The following RERE variants were observed in gnomAD, a reference collection of about 807,000 sequenced individuals.
The protein encoded by RERE is arginine-glutamic acid dipeptide repeats.
In RERE, 40 loss-of-function variants were observed where a neutral mutation model predicts 146.1. That is an observed-to-expected ratio of 0.27 (90% confidence interval 0.21 to 0.36). The LOEUF (loss-of-function observed/expected upper bound fraction) is 0.36, where lower values mean the gene tolerates loss of function less well. Ranked by LOEUF, RERE falls within the 10% of genes least tolerant of loss-of-function variation. The probability of loss-of-function intolerance (pLI) is 1.00; values close to 1 mark genes in which losing one functional copy is unlikely to be tolerated. For missense variants in RERE, 1,933 were observed against 2,138.7 expected, an observed-to-expected ratio of 0.90 and a Z score of 1.90; for synonymous variants, 1,003 against 866.0, an observed-to-expected ratio of 1.16 and a Z score of -2.78.
At chr1:8,547,646 T>C (rs997348250) in intron 6 of RERE, among the ~76,000 whole-genome samples, 4 of 152,178 alleles carry the variant, frequency 2.6e-5, no homozygotes, top group South Asian at 2.1e-4. Context: ...TCAAACTCAT[T>C]GTTAGTGAAA....
intron 1 of RERE, among the ~76,000 whole-genome samples, chr1:8,766,546 C>CAAAAAAAAAAAAAAA (rs60530407): frequency 3.0e-5 from 2 of 65,990 alleles, no homozygotes; most frequent in Non-Finnish European, 3.3e-5. Flanking sequence ...GACTCCATTG[C>CAAAAAAAAAAAAAAA]AAAAAAAAAA....
At chr1:8,435,817 G>C (rs562423515) in intron 11 of RERE, among the ~76,000 whole-genome samples, 1 of 152,344 alleles carries the variant, frequency 6.6e-6, no homozygotes, top group African/African-American at 2.4e-5. Flanking sequence ...TCTGGGTCTA[G>C]ATAATTACAC....
intron 1 of RERE, among the ~76,000 whole-genome samples, chr1:8,741,617 G>A (rs776333968): frequency 1.1e-4 from 16 of 152,160 alleles, no homozygotes; most frequent in Admixed American, 6.5e-5. Flanking sequence ...CTGCCACCCT[G>A]TGAAGAAGAT....
At chr1:8,388,507 G>A (rs1454217990) in intron 12 of RERE, among the ~76,000 whole-genome samples, 1 of 152,028 alleles carries the variant, frequency 6.6e-6, no homozygotes, top group African/African-American at 2.4e-5. Flanking sequence ...TTTTAGTAGA[G>A]ACGGGGTTTC....
At chr1:8,500,950 G>A (rs1645130680) in intron 8 of RERE, among the ~76,000 whole-genome samples, 1 of 147,674 alleles carries the variant, frequency 6.8e-6, no homozygotes, top group Admixed American at 6.9e-5. Flanking sequence ...CCCCGTCTGA[G>A]AAGTGAGGAG....
chr1:8,762,913 C>G (rs1640781942), intron 1 of RERE, among the ~76,000 whole-genome samples: 1 of 151,940 alleles, frequency 6.6e-6, no homozygotes, highest in African/African-American at 2.4e-5. Context: ...AGTATTTTGC[C>G]TTCTACAGTA....
intron 12 of RERE, among the ~76,000 whole-genome samples, chr1:8,373,118 T>C (rs1642105253): frequency 6.6e-6 from 1 of 152,258 alleles, no homozygotes; most frequent in Non-Finnish European, 1.5e-5. Flanking sequence ...GTGCACATCC[T>C]TGTACGCACC....
intron 10 of RERE, among the ~76,000 whole-genome samples, chr1:8,487,903 A>G (rs1187261159): frequency 6.6e-6 from 1 of 152,174 alleles, no homozygotes; most frequent in Non-Finnish European, 1.5e-5. Flanking sequence ...AGTAAATTTA[A>G]CAAAATGTTG....
chr1:8,564,927 C>G (rs554473182), intron 4 of RERE, among the ~76,000 whole-genome samples: 36 of 149,390 alleles, frequency 2.4e-4, no homozygotes, highest in African/African-American at 8.6e-4. Context: ...CTGTCATCTG[C>G]AACAACATGA....
At chr1:8,693,286 T>G (rs967735480) in intron 1 of RERE, among the ~76,000 whole-genome samples, 3 of 152,188 alleles carry the variant, frequency 2.0e-5, no homozygotes, top group African/African-American at 7.2e-5. Flanking sequence ...CACAAAAAAC[T>G]GCACACAGAT....
intron 4 of RERE, among the ~76,000 whole-genome samples, chr1:8,574,391 C>T (rs1646263390): frequency 7.8e-6 from 1 of 127,858 alleles, no homozygotes; most frequent in Non-Finnish European, 1.6e-5. Flanking sequence ...GTCGCCCAGA[C>T]TGGAGTGCAG....
chr1:8,665,636 T>C (rs1160556645), intron 1 of RERE, among the ~76,000 whole-genome samples: 1 of 152,162 alleles, frequency 6.6e-6, no homozygotes, highest in East Asian at 1.9e-4. Context: ...TTCAGTTAAA[T>C]AGCAGCTACA....
At chr1:8,771,477 T>C (rs1304199371) in intron 1 of RERE, among the ~76,000 whole-genome samples, 1 of 150,544 alleles carries the variant, frequency 6.6e-6, no homozygotes, top group East Asian at 1.9e-4. Flanking sequence ...TGAGCTGAGA[T>C]TGCGCCACTA....
chr1:8,653,612 G>A (rs113474241), intron 2 of RERE, among the ~76,000 whole-genome samples: 2 of 150,132 alleles, frequency 1.3e-5, no homozygotes, highest in Non-Finnish European at 3.0e-5. Context: ...GGAGAATGGC[G>A]TGAACCCGGG....
chr1:8,461,424 C>G (rs1283819913), intron 11 of RERE, among the ~76,000 whole-genome samples: 1 of 152,144 alleles, frequency 6.6e-6, no homozygotes, highest in African/African-American at 2.4e-5. Context: ...CACAAACTGA[C>G]CTAGCATTTC....
Position 8,809,221 on chromosome 1 carries a change from A to C in RERE, c.-145+7939T>G, listed in dbSNP as rs79984432. The stretch of plus-strand genomic sequence containing the variant: ...GAACATCAATATTTAACATAAACTC[A>C]GCACATTTTAGGTCAAAATGATAAT... On this transcript the variant is annotated intron_variant, in intron 1 of 22. Coordinates refer to ENST00000400908, the MANE Select transcript of RERE (RefSeq NM_001042681.2). 7.6e-3 allele frequency among the ~76,000 whole-genome samples: 1,156 copies of C among 152,094 alleles called. 6 individuals carry two copies. The highest frequency in any genetic ancestry group is 0.011 in the Non-Finnish European group (765 of 67,974).
intron 8 of RERE, among the ~76,000 whole-genome samples, chr1:8,505,525 T>C (rs1340074781): frequency 1.3e-5 from 2 of 152,188 alleles, no homozygotes; most frequent in Non-Finnish European, 2.9e-5. Flanking sequence ...TGTTAATATT[T>C]TCCTAATAAA....
chr1:8,608,082 C>T (rs1295032355), intron 4 of RERE, among the ~76,000 whole-genome samples: 4 of 151,902 alleles, frequency 2.6e-5, no homozygotes, highest in Non-Finnish European at 5.9e-5. Flanking sequence ...TGGTCAGAGA[C>T]TGGTCTGACC....
At chr1:8,398,487 C>T (rs1643134082) in intron 12 of RERE, among the ~76,000 whole-genome samples, 1 of 152,232 alleles carries the variant, frequency 6.6e-6, no homozygotes, top group African/African-American at 2.4e-5. Flanking sequence ...AAAATAAGAT[C>T]CTCTTCTATT....
Sources: gnomAD v4.1 joint callset for allele counts (sites outside exome capture counted in the v4.1 genomes callset) on GRCh38, gnomAD v4.1.1 for gene constraint, MANE v1.5 for transcripts, NCBI Gene and HGNC (gene_info 2026-07-23, HGNC 2026-07-21) for gene names.